NARS2: variants seen among roughly 807,000 people sequenced by gnomAD.
NARS2 encodes asparaginyl-tRNA synthetase 2, mitochondrial.
NARS2 carries 60 observed loss-of-function variants against 62.9 expected under a neutral mutation model. The observed-to-expected ratio is 0.95, with a 90% CI of 0.77 to 1.18. The LOEUF (loss-of-function observed/expected upper bound fraction) is 1.18, where lower values mean the gene tolerates loss of function less well. Ranked by LOEUF, NARS2 falls within the 50% of genes most tolerant of loss-of-function variation. NARS2 has a pLI of 0.00. For synonymous variants in NARS2, 196 were observed against 200.0 expected (o/e 0.98, Z 0.17); for missense variants, 619 against 576.4 (o/e 1.07, Z -0.76).
intron 5 of NARS2, among the ~76,000 whole-genome samples, chr11:78,540,494 ACC>A (rs1855570097): frequency 6.6e-6 from 1 of 152,076 alleles, no homozygotes; most frequent in African/African-American, 2.4e-5. Flanking sequence ...AACTTATTTG[ACC>A]TCTACAATCA....
intron 1 of NARS2, among the ~76,000 whole-genome samples, chr11:78,572,852 T>C (rs570906268): frequency 6.6e-6 from 1 of 152,336 alleles, no homozygotes; most frequent in South Asian, 2.1e-4. Context: ...ATATTTTGCA[T>C]TCTTTTTGGT....
intron 6 of NARS2, among the ~76,000 whole-genome samples, chr11:78,521,982 C>T (rs1410745212): frequency 6.6e-6 from 1 of 151,994 alleles, no homozygotes; most frequent in African/African-American, 2.4e-5. Flanking sequence ...CAATCTCCTC[C>T]CCTTTTTGTT....
intron 9 of NARS2, among the ~76,000 whole-genome samples, chr11:78,476,804 G>A (rs974342367): frequency 1.3e-5 from 2 of 152,070 alleles, no homozygotes; most frequent in South Asian, 4.1e-4. Flanking sequence ...AGAGTTAAGT[G>A]ACATGTAAGA....
intron 6 of NARS2, among the ~76,000 whole-genome samples, chr11:78,504,456 T>TG (rs1860412120): frequency 7.2e-6 from 1 of 139,112 alleles, no homozygotes; most frequent in Non-Finnish European, 1.6e-5. Context: ...TTTTTTTTTT[T>TG]CTGTGTAGGG....
chr11:78,464,195 T>TC (rs1214970804), intron 11 of NARS2, among the ~76,000 whole-genome samples: 1 of 151,764 alleles, frequency 6.6e-6, no homozygotes, highest in East Asian at 1.9e-4. Context: ...TCTTCATTCC[T>TC]CCCGGTGGGC....
intron 11 of NARS2, among the ~76,000 whole-genome samples, chr11:78,463,713 C>CAAAAAAAAAAAAAAAAA (rs10649252): frequency 2.1e-5 from 1 of 47,980 alleles, no homozygotes; most frequent in Non-Finnish European, 3.7e-5. Flanking sequence ...TAGTTAAGGT[C>CAAAAAAAAAAAAAAAAA]AAAAAAAAAA....
At position 78,509,384 on chromosome 11, in the gene NARS2, T is replaced by C. The variant is rs143884044; in HGVS notation, c.690-16189A>G. Among the ~76,000 whole-genome samples the C allele has an allele frequency of 5.2e-3, 799 of 152,262 alleles. 3 individuals are homozygous for C. The highest frequency in any genetic ancestry group is 0.015 in the African/African-American group (634 of 41,562). On this transcript the variant is annotated intron_variant, in intron 6 of 13. Coordinates refer to ENST00000281038, the MANE Select transcript of NARS2 (RefSeq NM_024678.6). ...TACACTAGGCATTAGCTTGAAGCTA[T>C]ATAAAGAAATAAAGATCTTAATCAA...
At chr11:78,522,963 T>C (rs1300995492) in intron 6 of NARS2, among the ~76,000 whole-genome samples, 1 of 152,058 alleles carries the variant, frequency 6.6e-6, no homozygotes, top group African/African-American at 2.4e-5. Flanking sequence ...AAAATGAAAA[T>C]CTGAGTTTGC....
At chr11:78,437,974 CAAA>C (rs11380903) in intron 13 of NARS2, among the ~76,000 whole-genome samples, 1 of 116,654 alleles carries the variant, frequency 8.6e-6, no homozygotes, top group Admixed American at 9.8e-5. Flanking sequence ...GATTCTGTAT[CAAA>C]AAAAAAAAAA....
chr11:78,550,806 T>G (rs1443599444), intron 5 of NARS2, among the ~76,000 whole-genome samples: 1 of 152,214 alleles, frequency 6.6e-6, no homozygotes, highest in Non-Finnish European at 1.5e-5. Context: ...GCATTTTTCA[T>G]AGTGAAACAG....
chr11:78,436,624 C>T lies in NARS2; in HGVS notation c.*46G>A. ...ATTCTGCTGTATGCACAATCATGTG[C>T]AGTGTCTCTGCCATGGGGGGTGCTT... On this transcript the variant is annotated 3_prime_UTR_variant, in exon 14 of 14. Coordinates refer to ENST00000281038, the MANE Select transcript of NARS2 (RefSeq NM_024678.6). 1 of 1,603,604 alleles carries T rather than the reference C, an allele frequency of 6.2e-7. No individual in the cohort carries two copies. Among genetic ancestry groups the T allele is most frequent in the Non-Finnish European group, 8.5e-7 (1 of 1,172,250 alleles).
intron 2 of NARS2, among the ~76,000 whole-genome samples, chr11:78,569,650 C>T (rs1320632450): frequency 6.6e-6 from 1 of 152,064 alleles, no homozygotes; most frequent in Non-Finnish European, 1.5e-5. Context: ...ATAAGATTGT[C>T]CACTATTGCA....
intron 5 of NARS2, among the ~76,000 whole-genome samples, chr11:78,552,026 G>A (rs975588246): frequency 2.6e-5 from 4 of 152,070 alleles, no homozygotes; most frequent in Non-Finnish European, 4.4e-5. Context: ...TAGGTTTGGG[G>A]ATACATGTGA....
intron 10 of NARS2, among the ~76,000 whole-genome samples, chr11:78,468,790 C>A (rs1407001050): frequency 1.4e-5 from 2 of 148,002 alleles, no homozygotes; most frequent in African/African-American, 5.0e-5. Context: ...TTTAAAAATT[C>A]ACTTTTTTTT....
chr11:78,443,963 A>G (rs1857662757), intron 11 of NARS2: 1 of 336,180 alleles, frequency 3.0e-6, no homozygotes. Flanking sequence ...TATTTTCTTC[A>G]TAAATGTGAT....
intron 5 of NARS2, among the ~76,000 whole-genome samples, chr11:78,550,292 ATTG>A (rs1006101598): frequency 6.6e-5 from 10 of 152,320 alleles, no homozygotes; most frequent in Admixed American, 1.3e-4. Context: ...GTTACTTTCT[ATTG>A]TTCTGTTTCA....
intron 9 of NARS2, among the ~76,000 whole-genome samples, chr11:78,476,269 C>T (rs1054641089): frequency 6.6e-6 from 1 of 152,222 alleles, no homozygotes; most frequent in Non-Finnish European, 1.5e-5. Flanking sequence ...GTGAGCACTG[C>T]CCCACTCCTT....
At chr11:78,523,413 T>C (rs902581388) in intron 6 of NARS2, among the ~76,000 whole-genome samples, 14 of 152,192 alleles carry the variant, frequency 9.2e-5, no homozygotes, top group African/African-American at 3.1e-4. Context: ...GACTAGCAAT[T>C]CCTCACACAG....
At chr11:78,488,774 G>T (rs1473714659) in intron 7 of NARS2, among the ~76,000 whole-genome samples, 1 of 152,104 alleles carries the variant, frequency 6.6e-6, no homozygotes, top group Non-Finnish European at 1.5e-5. Flanking sequence ...CAGAATAGAG[G>T]ATTCTGAAAT....
Sources: gnomAD v4.1 joint callset for allele counts (sites outside exome capture counted in the v4.1 genomes callset) on GRCh38, gnomAD v4.1.1 for gene constraint, MANE v1.5 for transcripts, NCBI Gene and HGNC (gene_info 2026-07-23, HGNC 2026-07-21) for gene names.